The following ELAVL4 variants were observed in gnomAD, a reference collection of about 807,000 sequenced individuals.
ELAVL4 encodes ELAV like RNA binding protein 4.
In ELAVL4, 1 loss-of-function variant was observed where a neutral mutation model predicts 35.6. The observed-to-expected ratio is 0.03, with a 90% CI of 0.01 to 0.13. ELAVL4 has a LOEUF of 0.13. ELAVL4 is among the 10% of genes least tolerant of loss of function. The pLI is 1.00. For missense variants in ELAVL4, 267 were observed against 464.9 expected (o/e 0.57, Z 3.91); for synonymous variants, 156 against 171.0 (o/e 0.91, Z 0.69).
intron 2 of ELAVL4, among the ~76,000 whole-genome samples, chr1:50,176,700 A>C (rs977647109): frequency 1.3e-5 from 2 of 152,242 alleles, no homozygotes; most frequent in East Asian, 3.8e-4. Context: ...ACAAAGTCGC[A>C]CAGCTGATAG....
chr1:50,057,861 A>C (rs1663760882), intron 1 of ELAVL4, among the ~76,000 whole-genome samples: 1 of 152,240 alleles, frequency 6.6e-6, no homozygotes. Flanking sequence ...TTTGGGACAT[A>C]TGACAAGAAC....
At chr1:50,150,124 C>T (rs552136241) in intron 2 of ELAVL4, among the ~76,000 whole-genome samples, 4 of 152,208 alleles carry the variant, frequency 2.6e-5, no homozygotes, top group South Asian at 4.2e-4. Context: ...AAAGAAGTAG[C>T]GCTGGAACAT....
intron 1 of ELAVL4, among the ~76,000 whole-genome samples, chr1:50,051,667 G>A (rs1016870708): frequency 6.6e-6 from 1 of 152,102 alleles, no homozygotes; most frequent in Admixed American, 6.6e-5. Context: ...ATTCACTCAT[G>A]GTACTGCATA....
chr1:50,135,086 C>G (rs558039830), intron 1 of ELAVL4, among the ~76,000 whole-genome samples: 1 of 152,096 alleles, frequency 6.6e-6, no homozygotes, highest in African/African-American at 2.4e-5. Flanking sequence ...ATTAATGCCT[C>G]TTGTTCTCTC....
chr1:50,086,624 T>C (rs543452251), intron 1 of ELAVL4, among the ~76,000 whole-genome samples: 2 of 152,098 alleles, frequency 1.3e-5, no homozygotes, highest in African/African-American at 2.4e-5. Context: ...AGTGACTCTC[T>C]GCAATGGAAT....
In ELAVL4 at chr1:50,146,240, G is replaced by A. The variant is rs1047086543; in HGVS notation, c.250+1043G>A. On this transcript the variant is annotated intron_variant, in intron 2 of 6. Transcript: ENST00000371824. ...TTAAATCAGAGAATACATTCTATAT[G>A]TGTGTGTGTAGATATATACATTCTT... Among the ~76,000 whole-genome samples, 3 of 151,646 alleles carry A rather than the reference G, an allele frequency of 2.0e-5. No individual in the cohort carries two copies. The East Asian group carries it at 5.8e-4, about 29-fold the overall frequency.
chr1:50,052,271 G>A lies in ELAVL4; in HGVS notation c.18+4089G>A, dbSNP rs542084906. Among the ~76,000 whole-genome samples the A allele has an allele frequency of 1.4e-4, 22 of 152,212 alleles. No homozygotes were observed. In the East Asian group the frequency reaches 3.9e-3, roughly 27 times the overall value. On this transcript the variant is annotated intron_variant, in intron 1 of 6. Transcript: ENST00000448907. The stretch of plus-strand genomic sequence containing the variant: ...CAGTTCAATTTGGATTTACATGTGA[G>A]AAACCCCAAAATACTCATCATGTAC...
chr1:50,138,612 C>T (rs1190554354), intron 1 of ELAVL4, among the ~76,000 whole-genome samples: 1 of 151,878 alleles, frequency 6.6e-6, no homozygotes, highest in Non-Finnish European at 1.5e-5. Flanking sequence ...GGCACAGGCA[C>T]CCGCCATCAT....
upstream of ELAVL4, among the ~76,000 whole-genome samples, chr1:50,104,504 G>A (rs888196221): frequency 6.6e-5 from 10 of 152,284 alleles, no homozygotes; most frequent in Middle Eastern, 3.4e-3. Flanking sequence ...AAGTGATGCC[G>A]TCTTGACTTA....
chr1:50,048,091 G>C, exon 1 of ELAVL4: 1 of 1,441,020 alleles, frequency 6.9e-7, no homozygotes, highest in Non-Finnish European at 9.1e-7. Context: ...GAGACTCTGC[G>C]GACGTCTTCC....
At chr1:50,052,854 T>A (rs891126686) in intron 1 of ELAVL4, among the ~76,000 whole-genome samples, 2 of 152,216 alleles carry the variant, frequency 1.3e-5, no homozygotes, top group African/African-American at 4.8e-5. Flanking sequence ...ACTGCTAAAC[T>A]TATGTTGTGC....
chr1:50,096,776 A>G (rs1452857098), intron 1 of ELAVL4, among the ~76,000 whole-genome samples: 1 of 152,162 alleles, frequency 6.6e-6, no homozygotes, highest in Non-Finnish European at 1.5e-5. Flanking sequence ...TAATCCTCAC[A>G]AGTTTAGGCA....
At chr1:50,184,740 G>A (rs1681570050) in intron 3 of ELAVL4, among the ~76,000 whole-genome samples, 1 of 152,100 alleles carries the variant, frequency 6.6e-6, no homozygotes, top group African/African-American at 2.4e-5. Context: ...TGCCTTGGGT[G>A]GTAATGAGGC....
chr1:50,122,630 C>G (rs1009480437), intron 1 of ELAVL4, among the ~76,000 whole-genome samples: 1 of 152,094 alleles, frequency 6.6e-6, no homozygotes, highest in East Asian at 1.9e-4. Context: ...GAAAAGCCAA[C>G]AAGAGCTCAA....
intron 1 of ELAVL4, among the ~76,000 whole-genome samples, chr1:50,086,943 C>A (rs1213250264): frequency 2.0e-5 from 3 of 152,148 alleles, no homozygotes; most frequent in Non-Finnish European, 4.4e-5. Context: ...ACTCCTTGGC[C>A]TCTGCTGTTC....
At chr1:50,134,655 CAAAG>C (rs1295129950) in intron 1 of ELAVL4, among the ~76,000 whole-genome samples, 2 of 152,010 alleles carry the variant, frequency 1.3e-5, no homozygotes, top group Non-Finnish European at 2.9e-5. Flanking sequence ...CTGACTTAAA[CAAAG>C]AAAGCTTATT....
chr1:50,097,186 C>G lies in ELAVL4; in HGVS notation c.19-47771C>G, dbSNP rs557284000. On this transcript the variant is annotated intron_variant, in intron 1 of 6. Coordinates refer to the ELAVL4 transcript ENST00000448907. ...AGTGAGCCATGATCATGCCACTGCA[C>G]TCCAGCCTGGGTGACAGAGCAAGAC... 3.3e-5 allele frequency among the ~76,000 whole-genome samples: 5 copies of G among 152,256 alleles called. No homozygotes were observed. In the East Asian group the frequency reaches 9.7e-4, roughly 29 times the overall value.
chr1:50,095,111 T>A (rs1310774405), intron 1 of ELAVL4, among the ~76,000 whole-genome samples: 1 of 152,080 alleles, frequency 6.6e-6, no homozygotes, highest in African/African-American at 2.4e-5. Context: ...AAAATGAAAA[T>A]AACAGACAAG....
intron 2 of ELAVL4, among the ~76,000 whole-genome samples, chr1:50,176,776 A>C (rs1046087404): frequency 1.4e-4 from 21 of 152,262 alleles, no homozygotes; most frequent in Admixed American, 1.2e-3. Flanking sequence ...TTCCGCTACC[A>C]TGTCCTGCCT....
Sources: allele counts gnomAD v4.1 joint callset (sites outside exome capture counted in the v4.1 genomes callset), GRCh38; gene constraint gnomAD v4.1.1; transcripts MANE v1.5; gene names NCBI Gene and HGNC (gene_info 2026-07-23, HGNC 2026-07-21).